ZNRF2: variants seen among roughly 807,000 people sequenced by gnomAD.
ZNRF2 encodes the protein E3 ubiquitin-protein ligase ZNRF2.
A neutral mutation model predicts 20.4 loss-of-function variants in ZNRF2; 16 were observed. The observed-to-expected ratio is 0.79, with a 90% confidence interval of 0.53 to 1.19. The LOEUF (loss-of-function observed/expected upper bound fraction) is 1.19. ZNRF2 is among the 50% of genes most tolerant of loss of function. The probability of loss-of-function intolerance (pLI) is 0.00; values close to 1 mark genes in which losing one functional copy is unlikely to be tolerated. For synonymous variants in ZNRF2, 178 were observed against 144.9 expected (o/e 1.23, Z -1.64); for missense variants, 363 against 332.4 (o/e 1.09, Z -0.72).
chr7:30,295,035 G>GAGAGAGAA (rs1169128326), intron 1 of ZNRF2, among the ~76,000 whole-genome samples: 4 of 109,768 alleles, frequency 3.6e-5, no homozygotes, highest in African/African-American at 1.7e-4. Context: ...GAGAGAGAGA[G>GAGAGAGAA]AGAGAGAGAG....
chr7:30,298,552 T>A (rs948369534), intron 1 of ZNRF2, among the ~76,000 whole-genome samples: 2 of 152,252 alleles, frequency 1.3e-5, no homozygotes, highest in African/African-American at 2.4e-5. Context: ...TTTATGCTAG[T>A]GATCTAGGAG....
intron 1 of ZNRF2, among the ~76,000 whole-genome samples, chr7:30,314,517 GAC>G (rs1279252822): frequency 4.6e-5 from 7 of 151,878 alleles, no homozygotes; most frequent in Non-Finnish European, 1.0e-4. Context: ...AGGTGGAGGA[GAC>G]AAAAAAGATG....
chr7:30,319,393 A>G, intron 1 of ZNRF2, among the ~76,000 whole-genome samples: 1 of 152,156 alleles, frequency 6.6e-6, no homozygotes, highest in East Asian at 1.9e-4. Context: ...CCAAATTTCT[A>G]ATGTGTAAGT....
intron 4 of ZNRF2, among the ~76,000 whole-genome samples, chr7:30,363,488 A>G (rs1800160681): frequency 6.6e-6 from 1 of 152,182 alleles, no homozygotes; most frequent in South Asian, 2.1e-4. Context: ...GGTTCCAAAG[A>G]CTGTTCTTAG....
chr7:30,305,240 C>T (rs558947225), intron 1 of ZNRF2, among the ~76,000 whole-genome samples: 18 of 152,214 alleles, frequency 1.2e-4, no homozygotes, highest in East Asian at 3.9e-4. Flanking sequence ...AATATCTACC[C>T]GAATACCACT....
intron 1 of ZNRF2, among the ~76,000 whole-genome samples, chr7:30,294,692 G>A (rs1241690982): frequency 6.6e-6 from 1 of 151,970 alleles, no homozygotes; most frequent in Non-Finnish European, 1.5e-5. Context: ...TGCTGAGGCA[G>A]GAGAATTGCT....
At chr7:30,299,612 T>G (rs562595828) in intron 1 of ZNRF2, among the ~76,000 whole-genome samples, 31 of 152,240 alleles carry the variant, frequency 2.0e-4, no homozygotes, top group African/African-American at 7.5e-4. Context: ...CTGATCCCAT[T>G]GTCTTCCCAG....
intron 3 of ZNRF2, among the ~76,000 whole-genome samples, chr7:30,361,582 C>G (rs2127958013): frequency 1.3e-5 from 2 of 152,280 alleles, no homozygotes; most frequent in Middle Eastern, 6.8e-3. Flanking sequence ...GATTTTTTCA[C>G]CTATCATGGT....
At chr7:30,325,642 CCCTTT>C (rs543144459) in intron 2 of ZNRF2, among the ~76,000 whole-genome samples, 2 of 152,152 alleles carry the variant, frequency 1.3e-5, no homozygotes, top group Non-Finnish European at 2.9e-5. Context: ...CTCAATTCTT[CCCTTT>C]CCTTCACTTT....
rs563006739 is a variant in ZNRF2 at position 30,284,979 on chromosome 7, G to T, written c.-379G>T. ...CCCGAGAGGAGGCGGTGCCGAGATC[G>T]GGGGCGCCGAGCGCGGCAGCAGAGA... On this transcript the variant is annotated 5_prime_UTR_variant, in exon 1 of 5. Coordinates refer to ENST00000323037, the MANE Select transcript of ZNRF2 (RefSeq NM_147128.4). The T allele has an allele frequency of 3.6e-3, 1,201 of 335,250 alleles. 8 individuals carry two copies. The highest frequency in any genetic ancestry group is 7.7e-3 in the Middle Eastern group (9 of 1,162). 20.8% of individuals were successfully genotyped at this position (335,250 alleles called of 1,614,324 possible).
At chr7:30,304,288 A>G (rs42574) in intron 1 of ZNRF2, among the ~76,000 whole-genome samples, 2,662 of 152,278 alleles carry the variant, frequency 0.017, 70 homozygotes, top group African/African-American at 0.061. Flanking sequence ...TGGCAGGTCC[A>G]AGTACTTATT....
At chr7:30,301,714 A>C (rs1013389623) in intron 1 of ZNRF2, among the ~76,000 whole-genome samples, 7 of 151,294 alleles carry the variant, frequency 4.6e-5, no homozygotes, top group African/African-American at 1.2e-4. Flanking sequence ...AAAAAAAAAA[A>C]AAAAAAAAAC....
chr7:30,321,900 C>A (rs1279200922), intron 1 of ZNRF2, among the ~76,000 whole-genome samples: 1 of 151,782 alleles, frequency 6.6e-6, no homozygotes. Flanking sequence ...TTAGGGGTGT[C>A]TAATCTTTTG....
At chr7:30,347,382 TC>T (rs1241022907) in intron 2 of ZNRF2, among the ~76,000 whole-genome samples, 1 of 152,216 alleles carries the variant, frequency 6.6e-6, no homozygotes, top group Admixed American at 6.5e-5. Flanking sequence ...CTGGCTTCTT[TC>T]TGGTGCTTTC....
chr7:30,362,487 G>A (rs1418634490), intron 4 of ZNRF2, 31 bp downstream of exon 4: 28 of 1,367,752 alleles, frequency 2.0e-5, no homozygotes, highest in Middle Eastern at 1.9e-4. Flanking sequence ...TTTTTAAAGC[G>A]TTAGCCCAAA....
In ZNRF2 at chr7:30,285,683, G is replaced by A. The variant is rs1462922885; in HGVS notation, c.326G>A (p.Gly109Asp). Reference protein sequence around the residue: ...SPFSIPNSSSGPYGSQDSVHS... With the variant: ...SPFSIPNSSSDPYGSQDSVHS... ...TTCAGCATCCCGAACAGCAGCAGCG[G>A]CCCGTACGGCTCGCAGGACTCGGTG... Residue 109 changes from glycine to aspartate, a missense_variant, in exon 1 of 5, where the codon GGC becomes GAC. Around this residue, in one of 2 missense-constraint regions of ZNRF2, gnomAD observed 302 missense variants for 231.5 expected, o/e 1.30. Coordinates refer to ENST00000323037, the MANE Select transcript of ZNRF2 (RefSeq NM_147128.4). 5 of 1,458,766 alleles carry A rather than the reference G, an allele frequency of 3.4e-6. No individual in the cohort carries two copies. Among genetic ancestry groups the A allele is most frequent in the Middle Eastern group, 2.4e-4 (1 of 4,150 alleles). 90.4% of individuals were successfully genotyped at this position (1,458,766 alleles called of 1,614,324 possible). A position where few individuals can be genotyped will look rare whatever the true frequency, so the allele number is the denominator to read the frequency against.
At chr7:30,320,046 A>G (rs1799443045) in intron 1 of ZNRF2, among the ~76,000 whole-genome samples, 1 of 152,114 alleles carries the variant, frequency 6.6e-6, no homozygotes, top group African/African-American at 2.4e-5. Context: ...CCGTGAGTTT[A>G]TATATTTATT....
intron 1 of ZNRF2, among the ~76,000 whole-genome samples, chr7:30,322,569 G>GGAC (rs1389144583): frequency 1.3e-5 from 2 of 152,078 alleles, no homozygotes; most frequent in African/African-American, 4.8e-5. Flanking sequence ...GAGCCGTCAT[G>GGAC]GACACCACTG....
intron 2 of ZNRF2, among the ~76,000 whole-genome samples, chr7:30,339,067 C>CT (rs1403644412): frequency 6.6e-6 from 1 of 152,110 alleles, no homozygotes; most frequent in Non-Finnish European, 1.5e-5. Flanking sequence ...ACATAAATGT[C>CT]TTTTTTTGAG....
Sources: gnomAD v4.1 joint callset for allele counts (sites outside exome capture counted in the v4.1 genomes callset) on GRCh38, gnomAD v4.1.1 for gene constraint, gnomAD v4.1.1 regional missense constraint, MANE v1.5 for transcripts, NCBI Gene and HGNC (gene_info 2026-07-23, HGNC 2026-07-21) for gene names.